Variants in ATG9B observed in about 807,000 individuals in gnomAD.
The protein encoded by ATG9B is autophagy-related protein 9B.
Under a neutral mutation model 92.9 loss-of-function variants are expected in ATG9B, and 92 were observed. That is an observed-to-expected ratio of 0.99 (90% CI 0.84 to 1.18). The LOEUF (loss-of-function observed/expected upper bound fraction) is 1.18, where lower values mean the gene tolerates loss of function less well. Among genes scored for constraint, ATG9B ranks in the 50% most tolerant of loss-of-function variants. The pLI, the probability that ATG9B is intolerant of heterozygous loss-of-function variation, is 0.00. For missense variants in ATG9B, 1,344 were observed against 1,235.0 expected (o/e 1.09, Z -1.32); for synonymous variants, 599 against 551.4 (o/e 1.09, Z -1.21).
chr7:151,017,137 G>A lies in ATG9B; in HGVS notation c.2188C>T (p.His730Tyr), dbSNP rs762679491. The A allele has an allele frequency of 1.2e-6, 2 of 1,612,920 alleles. No homozygotes were observed. Among genetic ancestry groups the A allele is most frequent in the South Asian group, 2.2e-5 (2 of 90,990 alleles). The change falls in exon 9 of 14, where the codon CAC (histidine) becomes TAC (tyrosine). Residue 730 changes from histidine (H) to tyrosine (Y), a missense_variant. His to Tyr is a moderately conservative substitution (Grantham distance 83). Transcript: ENST00000639579. ...TCTTGTTGTACTCGGCCCCAGAGGT[G>A]CCCAAGAAACTTAGAGCTGTGCCCT... Reference protein sequence around the residue: ...PPGHSSKFLGHLWGRVQQDAA... With the variant: ...PPGHSSKFLGYLWGRVQQDAA...
chr7:151,021,861 GA>G (rs11327568), intron 4 of ATG9B, among the ~76,000 whole-genome samples: 11,708 of 151,992 alleles, frequency 0.077, 848 homozygotes, highest in African/African-American at 0.19. Flanking sequence ...ATGTTGGCCA[GA>G]ATGGTTTTGA....
chr7:151,015,937 C>T lies in ATG9B; in HGVS notation c.2734G>A (p.Asp912Asn), dbSNP rs1208747412. The T allele has an allele frequency of 1.3e-6, 2 of 1,551,666 alleles. No homozygotes were observed. Among genetic ancestry groups the T allele is most frequent in the Non-Finnish European group, 1.7e-6 (2 of 1,146,986 alleles). The change falls in exon 13 of 14, where the codon GAC (aspartate) becomes AAC (asparagine). Residue 912 changes from aspartate (D) to asparagine (N), a missense_variant. Physicochemically the swap from Asp to Asn is conservative, Grantham distance 23 (BLOSUM62 1). Transcript: ENST00000639579. ...LFPGGFQVTT[D>N]TQKEPDRASC... Reference sequence around the variant, plus strand: ...GCCCGGTCAGGCTCCTTCTGGGTGTCTGTGGTCACCTGAAACCCTCCGGGG... The same window carrying T: ...GCCCGGTCAGGCTCCTTCTGGGTGTTTGTGGTCACCTGAAACCCTCCGGGG...
In ATG9B at chr7:151,023,211, CG is replaced by C; in HGVS notation, c.660-6del. 6.2e-7 allele frequency: 1 copy of C among 1,614,046 alleles called. No homozygotes were observed. The highest frequency in any genetic ancestry group is 8.5e-7 in the Non-Finnish European group (1 of 1,180,000). On this transcript the variant is annotated splice_polypyrimidine_tract_variant and splice_region_variant and intron_variant, in intron 3 of 13. Coordinates refer to ENST00000639579, the MANE Select transcript of ATG9B (RefSeq NM_001317056.2). ...GTGACAATGAAAATAAATTGTCTGC[CG>C]GGAGGAAGGGGGGGTGCCGGGATGC... is the stretch of plus-strand genomic sequence containing the variant.
rs1226639545 is a variant in ATG9B at position 151,019,277 on chromosome 7, T to A, written c.1061A>T (p.Glu354Val). The A allele has an allele frequency of 5.0e-6, 8 of 1,585,480 alleles. No individual in the cohort carries two copies. The highest frequency in any genetic ancestry group is 1.7e-4 in the Middle Eastern group (1 of 5,988). The change falls in exon 6 of 14, where the codon GAG becomes GTG. Residue 354 changes from glutamate (E) to valine (V), a missense_variant. By Grantham distance (121) the Glu-to-Val change is moderately radical. Transcript: ENST00000639579. ...GLCVQPRPLT[E>V]LDIHHRILRY... is the part of the protein sequence containing the mutation. The stretch of plus-strand genomic sequence containing the variant: ...CAGGATGCGGTGGTGGATGTCCAGC[T>A]CCGTCAGGGGCCGCGGCTGCACGCA...
downstream of ATG9B, chr7:151,014,548 C>T: frequency 4.8e-6 from 1 of 209,310 alleles, no homozygotes; most frequent in Non-Finnish European, 9.4e-6. Flanking sequence ...AGGGACTGTG[C>T]CAGATGTTAG....
In ATG9B at chr7:151,018,886, C is replaced by T; in HGVS notation, c.1452G>A (p.Leu484=). The change falls in exon 6 of 14, where the codon CTG becomes CTA. Residue 484 remains leucine, a synonymous_variant. Transcript: ENST00000639579. This position sits in a 1 kb window ranked among gnomAD's most constrained non-coding sequence, Gnocchi z 4.7. ...TGAAGTGGCGCAGCTGCAAGCGCGC[C>T]AGGCGGGACCAGCCGCGCGCCCCCA... ...GALGARGWSR[L]ARLQLRHFNE... 6 of 1,426,348 alleles carry T rather than the reference C, an allele frequency of 4.2e-6. No homozygotes were observed. The highest frequency in any genetic ancestry group is 5.5e-6 in the Non-Finnish European group (6 of 1,100,014). The allele number at this position is 1,426,348 out of a possible 1,614,324, so 88.4% of individuals were successfully genotyped here.
At chr7:151,020,142 G>A (rs544349820) in intron 5 of ATG9B, 6 of 152,636 alleles carry the variant, frequency 3.9e-5, no homozygotes, top group Admixed American at 1.3e-4. Context: ...AGCCCCACCC[G>A]ACTCCAGGCC....
downstream of ATG9B, chr7:151,013,201 G>A: frequency 3.1e-6 from 5 of 1,599,902 alleles, no homozygotes; most frequent in Non-Finnish European, 4.3e-6. Flanking sequence ...CCCCGGAGAA[G>A]AGCCTTCCCA....
At chr7:151,012,883 C>T, downstream of ATG9B, 1 of 350,124 alleles carries the variant, frequency 2.9e-6, no homozygotes. Context: ...AGGGCTGTGA[C>T]TGGGAGGAGA....
chr7:151,013,368 GACA>G, downstream of ATG9B: 1 of 1,613,310 alleles, frequency 6.2e-7, no homozygotes, highest in Non-Finnish European at 8.5e-7. Context: ...CCGGGAACCT[GACA>G]ACCCCAAGGT....
downstream of ATG9B, chr7:151,013,546 G>A: frequency 2.9e-6 from 3 of 1,048,682 alleles, no homozygotes; most frequent in Non-Finnish European, 2.7e-6. Context: ...CTCTAGGCCC[G>A]CCTCCTCCCG....
chr7:151,022,251 C>T lies in ATG9B; in HGVS notation c.821+794G>A, dbSNP rs554931568. 2.0e-4 allele frequency among the ~76,000 whole-genome samples: 29 copies of T among 148,172 alleles called. 3 individuals are homozygous for T. Among genetic ancestry groups the T allele is most frequent in the African/African-American group, 7.4e-4 (29 of 39,418 alleles). On this transcript the variant is annotated intron_variant, in intron 4 of 13. Coordinates refer to ENST00000639579, the MANE Select transcript of ATG9B (RefSeq NM_001317056.2). ...TGATCAGAGACAGTCACTGTCTTAG[C>T]CTCCTGACTAGGCTTAGCTAGGACT...
At chr7:151,013,882 G>T, downstream of ATG9B, 2 of 1,601,510 alleles carry the variant, frequency 1.2e-6, no homozygotes, top group Non-Finnish European at 1.7e-6. Context: ...GCGACATGGA[G>T]CTGGACGAGG....
At position 151,019,311 on chromosome 7, in the gene ATG9B, C is replaced by T. The variant is rs1795661506; in HGVS notation, c.1027G>A (p.Gly343Arg). 18 of 1,580,212 alleles carry T rather than the reference C, an allele frequency of 1.1e-5. No individual in the cohort carries two copies. The highest frequency in any genetic ancestry group is 2.3e-5 in the South Asian group (2 of 87,388). The part of the protein sequence containing the change: ...QSRLLALQRS[G>R]GLCVQPRPLT... ...GGCCGCGGCTGCACGCACAGGCCCC[C>T]GCTCCGCTGCAGTGCCAAGAGGCGG... Residue 343 changes from glycine to arginine, a missense_variant, in exon 6 of 14, where the codon GGG becomes AGG. Physicochemically the swap from Gly to Arg is moderately radical, Grantham distance 125 (BLOSUM62 -2). Coordinates refer to ENST00000639579, the MANE Select transcript of ATG9B (RefSeq NM_001317056.2).
intron 4 of ATG9B, among the ~76,000 whole-genome samples, chr7:151,022,280 G>A (rs1487799883): frequency 6.8e-6 from 1 of 147,702 alleles, no homozygotes; most frequent in Non-Finnish European, 1.5e-5. Flanking sequence ...TAGGACTGCA[G>A]GTACGCACCA....
At chr7:151,016,986 G>C (rs1476318122) in intron 9 of ATG9B, 50 bp downstream of exon 9, 1 of 1,540,418 alleles carries the variant, frequency 6.5e-7, no homozygotes, top group Non-Finnish European at 8.8e-7. Context: ...AGGGTTTGGA[G>C]AGGAGTTGTG....
Position 151,021,301 on chromosome 7 carries a change from G to A in ATG9B, c.850C>T (p.Leu284Phe), listed in dbSNP as rs764453578. 6.2e-7 allele frequency: 1 copy of A among 1,612,950 alleles called. No homozygotes were observed. Among genetic ancestry groups the A allele is most frequent in the Non-Finnish European group, 8.5e-7 (1 of 1,179,436 alleles). ...RIRSSPLLVLLLVLAAGFWLV... is the reference protein window; with the variant it reads ...RIRSSPLLVLFLVLAAGFWLV... Reference sequence around the variant, plus strand: ...CAGAAGCCGGCAGCCAGGACCAGGAGGAGGACCAGCAGCGGGCTGGAGCGG... The same window carrying A: ...CAGAAGCCGGCAGCCAGGACCAGGAAGAGGACCAGCAGCGGGCTGGAGCGG... Residue 284 changes from leucine to phenylalanine, a missense_variant, in exon 5 of 14, where the codon CTC becomes TTC. Transcript: ENST00000639579.
chr7:151,013,266 T>C (rs749352041), downstream of ATG9B: 5 of 1,614,008 alleles, frequency 3.1e-6, no homozygotes, highest in East Asian at 8.9e-5. Flanking sequence ...GGTGTTCGGC[T>C]GCCGATGCTC....
rs772744316 is a variant in ATG9B at position 151,024,060 on chromosome 7, G to A, written c.364C>T (p.Leu122=). 1.9e-6 allele frequency: 3 copies of A among 1,593,194 alleles called. No homozygotes were observed. Among genetic ancestry groups the A allele is most frequent in the African/African-American group, 2.7e-5 (2 of 74,662 alleles). Reference sequence around the variant, plus strand: ...GAGGGAGTGGGGGTTGCCGGGGCCAGGGGTGGGGTGGAGTGGGATCCCCAG... The same window carrying A: ...GAGGGAGTGGGGGTTGCCGGGGCCAAGGGTGGGGTGGAGTGGGATCCCCAG... ...PSWGSHSTPP[L]APATPTPSQQ... Residue 122 remains leucine, a synonymous_variant, in exon 1 of 14, where the codon CTG becomes TTG. Coordinates refer to ENST00000639579, the MANE Select transcript of ATG9B (RefSeq NM_001317056.2).
Sources: allele counts gnomAD v4.1 joint callset (sites outside exome capture counted in the v4.1 genomes callset), GRCh38; gene constraint gnomAD v4.1.1; non-coding constraint Gnocchi (gnomAD v3.1); transcripts MANE v1.5; gene names NCBI Gene and HGNC (gene_info 2026-07-23, HGNC 2026-07-21).